Variants in ANO1 observed in about 807,000 individuals in gnomAD.
ANO1 encodes anoctamin-1.
In ANO1, 59 loss-of-function variants were observed where a neutral mutation model predicts 124.0. The observed-to-expected ratio is 0.48, with a 90% CI of 0.39 to 0.59. The LOEUF is 0.59. Among genes scored for constraint, ANO1 ranks in the 20% least tolerant of loss-of-function variants. The probability of loss-of-function intolerance (pLI) is 0.00; values close to 1 mark genes in which losing one functional copy is unlikely to be tolerated. For synonymous variants in ANO1, 529 were observed against 532.0 expected, an observed-to-expected ratio of 0.99 and a Z score of 0.08; for missense variants, 1,059 against 1,328.0, an observed-to-expected ratio of 0.80 and a Z score of 3.15.
chr11:70,049,081 TTA>T (rs1475046540), intron 1 of ANO1, among the ~76,000 whole-genome samples: 2 of 152,274 alleles, frequency 1.3e-5, no homozygotes, highest in East Asian at 3.9e-4. Context: ...TTCTGGTGGC[TTA>T]TGAGAGGAGC....
In ANO1 at chr11:70,170,770, G is replaced by T. The variant is rs2048431903; in HGVS notation, c.2198-117G>T. On this transcript the variant is annotated intron_variant, in intron 21 of 25. Transcript: ENST00000355303. ...CTGCAGGTGGGGTCCATGCAGGTGG[G>T]CTCGTTGGAGGTGGGGCGGCAGCCA... is the stretch of plus-strand genomic sequence containing the variant. The T allele has an allele frequency of 2.3e-6, 3 of 1,322,314 alleles. No individual in the cohort carries two copies. In the East Asian group the frequency reaches 7.6e-5, roughly 33 times the overall value. 81.9% of individuals were successfully genotyped at this position (1,322,314 alleles called of 1,614,324 possible).
chr11:70,013,134 G>A (rs1385593952), intron 1 of ANO1, among the ~76,000 whole-genome samples: 3 of 152,186 alleles, frequency 2.0e-5, no homozygotes, highest in East Asian at 1.9e-4. Context: ...AACTTGCCGG[G>A]CAAAAACATG....
At chr11:70,084,795 G>A (rs1196422203) in intron 1 of ANO1, among the ~76,000 whole-genome samples, 1 of 152,158 alleles carries the variant, frequency 6.6e-6, no homozygotes, top group Non-Finnish European at 1.5e-5. Context: ...ACAGAACTGA[G>A]GCCTGCTAAA....
At chr11:70,014,266 C>T (rs1856658491) in intron 1 of ANO1, among the ~76,000 whole-genome samples, 1 of 97,818 alleles carries the variant, frequency 1.0e-5, no homozygotes, top group Non-Finnish European at 2.0e-5. Context: ...GATTGCAACC[C>T]CCCCACCCCC....
At chr11:70,121,459 C>CCTCTGT (rs1286222523) in intron 8 of ANO1, among the ~76,000 whole-genome samples, 2 of 144,498 alleles carry the variant, frequency 1.4e-5, no homozygotes, top group Non-Finnish European at 3.0e-5. Context: ...TCTCCATCTG[C>CCTCTGT]CTCTGTCTCT....
intron 25 of ANO1, 41 bp downstream of exon 25, chr11:70,185,736 G>T: frequency 6.3e-7 from 1 of 1,590,792 alleles, no homozygotes; most frequent in Non-Finnish European, 8.6e-7. Flanking sequence ...GAAGATGGGA[G>T]CATTTAGGGA....
rs372516111 is a variant in ANO1 at position 70,123,819 on chromosome 11, C to T, written c.898-531C>T. 1.2e-3 allele frequency among the ~76,000 whole-genome samples: 181 copies of T among 152,302 alleles called. 3 individuals carry two copies. The highest frequency in any genetic ancestry group is 3.3e-3 in the African/African-American group (136 of 41,566). On this transcript the variant is annotated intron_variant, in intron 8 of 25. Transcript: ENST00000355303. ...TCCTAACCCAGCATCTTCATCAGGA[C>T]ACCCTTTACATGTTCACACAAGGCT...
chr11:70,092,260 C>T (rs1226346894), intron 2 of ANO1, among the ~76,000 whole-genome samples: 1 of 152,226 alleles, frequency 6.6e-6, no homozygotes, highest in East Asian at 1.9e-4. Context: ...AACTCGGTTA[C>T]ATCTGCAAAG....
At chr11:70,040,356 C>T (rs10793341) in intron 1 of ANO1, among the ~76,000 whole-genome samples, 96,203 of 151,934 alleles carry the variant, frequency 0.63, 30,991 homozygotes, top group East Asian at 0.91. Flanking sequence ...AGAGAACAGA[C>T]GAGAAGGTAT....
At position 70,099,662 on chromosome 11, in the gene ANO1, G is replaced by A. The variant is rs79819525; in HGVS notation, c.442-3404G>A. 7.9e-3 allele frequency among the ~76,000 whole-genome samples: 1,196 copies of A among 152,298 alleles called. 24 individuals are homozygous for A. Among genetic ancestry groups the A allele is most frequent in the African/African-American group, 0.028 (1,153 of 41,556 alleles). Reference sequence around the variant, plus strand: ...GTGCCCTCCGTGGCTCCCCAGCACTGAGGAGGTGGCTTCAAGCTTCTTGGC... The same window carrying A: ...GTGCCCTCCGTGGCTCCCCAGCACTAAGGAGGTGGCTTCAAGCTTCTTGGC... On this transcript the variant is annotated intron_variant, in intron 2 of 25. Transcript: ENST00000355303.
At chr11:70,118,452 T>A (rs978294198) in intron 8 of ANO1, among the ~76,000 whole-genome samples, 1 of 152,130 alleles carries the variant, frequency 6.6e-6, no homozygotes, top group African/African-American at 2.4e-5. Flanking sequence ...ATACAAGGCC[T>A]GGCCCATGGG....
chr11:70,107,652 C>A (rs1001212198), intron 5 of ANO1, among the ~76,000 whole-genome samples: 3 of 152,142 alleles, frequency 2.0e-5, no homozygotes, highest in Non-Finnish European at 4.4e-5. Flanking sequence ...AAACTGAGGC[C>A]GGGAGTGGTG....
At position 70,163,276 on chromosome 11, in the gene ANO1, G is replaced by A. The variant is rs747468431; in HGVS notation, c.1893-7G>A. On this transcript the variant is annotated splice_region_variant and splice_polypyrimidine_tract_variant and intron_variant, in intron 18 of 25. Transcript: ENST00000355303. The stretch of plus-strand genomic sequence containing the variant: ...CTTTTCTCTAACGACCTCCCCCATC[G>A]TTTCAGGTTTGTTGGACGCCCGGGC... 50 of 1,613,028 alleles carry A rather than the reference G, an allele frequency of 3.1e-5. No individual in the cohort carries two copies. Among genetic ancestry groups the A allele is most frequent in the Admixed American group, 3.3e-5 (2 of 59,958 alleles).
intron 1 of ANO1, among the ~76,000 whole-genome samples, chr11:70,002,324 C>T (rs1438731342): frequency 6.6e-6 from 1 of 151,738 alleles, no homozygotes; most frequent in Non-Finnish European, 1.5e-5. Flanking sequence ...ATTAGCCAGG[C>T]ATGGTGGCAT....
chr11:69,991,200 C>A (rs567034323), intron 1 of ANO1, among the ~76,000 whole-genome samples: 4 of 152,192 alleles, frequency 2.6e-5, no homozygotes, highest in South Asian at 2.1e-4. Context: ...TGTTTCAGCA[C>A]AATTTGTTGA....
intron 1 of ANO1, among the ~76,000 whole-genome samples, chr11:70,083,733 A>G (rs1053139845): frequency 6.6e-6 from 1 of 152,162 alleles, no homozygotes; most frequent in African/African-American, 2.4e-5. Context: ...TGGAGCCCCA[A>G]CCAGGTTCTC....
At chr11:70,167,007 C>T (rs184023943) in intron 20 of ANO1, among the ~76,000 whole-genome samples, 87 of 152,086 alleles carry the variant, frequency 5.7e-4, no homozygotes, top group African/African-American at 2.0e-3. Context: ...ATTAGCCAGG[C>T]GTGGCAGCAT....
At chr11:70,061,572 C>G (rs1162027050) in intron 1 of ANO1, among the ~76,000 whole-genome samples, 1 of 149,982 alleles carries the variant, frequency 6.7e-6, no homozygotes, top group Non-Finnish European at 1.5e-5. Flanking sequence ...GCTCCCTTCT[C>G]TTAGCCCTCA....
intron 22 of ANO1, among the ~76,000 whole-genome samples, chr11:70,177,663 G>A (rs1315971292): frequency 8.4e-5 from 11 of 131,354 alleles, no homozygotes; most frequent in African/African-American, 2.6e-4. Flanking sequence ...GAAGTGGCGC[G>A]ATCTCGGCTC....
Sources: gnomAD v4.1 joint callset for allele counts (sites outside exome capture counted in the v4.1 genomes callset) on GRCh38, gnomAD v4.1.1 for gene constraint, MANE v1.5 for transcripts, NCBI Gene and HGNC (gene_info 2026-07-23, HGNC 2026-07-21) for gene names.